GRM8: variants seen among roughly 807,000 people sequenced by gnomAD.
The protein encoded by GRM8 is glutamate metabotropic receptor 8.
Under a neutral mutation model 87.2 loss-of-function variants are expected in GRM8, and 47 were observed. The ratio of observed to expected loss-of-function variants is 0.54; its 90% CI spans 0.43 to 0.69. The LOEUF is 0.69. Among genes scored for constraint, GRM8 ranks in the 30% least tolerant of loss-of-function variants. The probability of loss-of-function intolerance (pLI) is 0.00; values close to 1 mark genes in which losing one functional copy is unlikely to be tolerated. For synonymous variants in GRM8, 396 were observed against 404.5 expected (o/e 0.98, Z 0.25); for missense variants, 1,019 against 1,139.2 (o/e 0.89, Z 1.52).
At chr7:126,831,717 C>T (rs1465964525) in intron 6 of GRM8, among the ~76,000 whole-genome samples, 2 of 152,110 alleles carry the variant, frequency 1.3e-5, no homozygotes, top group African/African-American at 4.8e-5. Context: ...CTGTCTGGCA[C>T]TCCCTAGTGA....
intron 3 of GRM8, among the ~76,000 whole-genome samples, chr7:127,004,630 TG>T (rs1814081586): frequency 6.6e-6 from 1 of 151,632 alleles, no homozygotes; most frequent in Non-Finnish European, 1.5e-5. Flanking sequence ...TTAGTGAAAT[TG>T]TTTTTCCCCA....
chr7:126,661,939 G>A (rs1805225465), intron 7 of GRM8, among the ~76,000 whole-genome samples: 1 of 152,098 alleles, frequency 6.6e-6, no homozygotes, highest in South Asian at 2.1e-4. Context: ...CATATTTAAT[G>A]ATTCTATAAC....
intron 6 of GRM8, among the ~76,000 whole-genome samples, chr7:126,795,309 C>T (rs1308909640): frequency 1.3e-5 from 2 of 152,068 alleles, no homozygotes; most frequent in Non-Finnish European, 2.9e-5. Context: ...AGTGAAGTAC[C>T]CATCACAGCT....
intron 7 of GRM8, among the ~76,000 whole-genome samples, chr7:126,696,420 C>G (rs1809379483): frequency 6.6e-6 from 1 of 151,974 alleles, no homozygotes; most frequent in Admixed American, 6.6e-5. Flanking sequence ...GTGTGTTGTT[C>G]CCCTCCCTGT....
intron 6 of GRM8, among the ~76,000 whole-genome samples, chr7:126,813,917 C>T (rs1793531059): frequency 6.6e-6 from 1 of 152,070 alleles, no homozygotes; most frequent in Admixed American, 6.6e-5. Context: ...TCAAAAATGA[C>T]ACTGCCTTTA....
chr7:127,147,264 C>T (rs1461978307), intron 2 of GRM8, among the ~76,000 whole-genome samples: 1 of 152,100 alleles, frequency 6.6e-6, no homozygotes, highest in East Asian at 1.9e-4. Flanking sequence ...CCAAACCAAG[C>T]AAAGCTGAAA....
At chr7:126,509,001 G>T (rs887635014) in intron 9 of GRM8, among the ~76,000 whole-genome samples, 2 of 152,096 alleles carry the variant, frequency 1.3e-5, no homozygotes, top group East Asian at 1.9e-4. Context: ...TTACAAAAAG[G>T]TTGTCTCTCC....
rs553410533 is a variant in GRM8, at chr7:127,110,340, C to T, written c.511-3628G>A. 1.7e-3 allele frequency among the ~76,000 whole-genome samples: 256 copies of T among 152,312 alleles called. 2 individuals carry two copies. Among genetic ancestry groups the T allele is most frequent in the African/African-American group, 6.0e-3 (248 of 41,564 alleles). On this transcript the variant is annotated intron_variant, in intron 2 of 10. Transcript: ENST00000339582. Reference sequence around the variant, plus strand: ...CTCCCCAATCTCAGCCCTGCCCTAACTTCTTAGCCCTTCTCTAGCCACCTG... The same window carrying T: ...CTCCCCAATCTCAGCCCTGCCCTAATTTCTTAGCCCTTCTCTAGCCACCTG...
intron 3 of GRM8, among the ~76,000 whole-genome samples, chr7:126,995,084 G>A (rs1813051155): frequency 6.6e-6 from 1 of 152,186 alleles, no homozygotes; most frequent in Non-Finnish European, 1.5e-5. Flanking sequence ...AGTAGCAGAA[G>A]ATAACGAGAA....
intron 2 of GRM8, among the ~76,000 whole-genome samples, chr7:127,241,307 A>G (rs1246124774): frequency 6.6e-6 from 1 of 152,128 alleles, no homozygotes; most frequent in Non-Finnish European, 1.5e-5. Flanking sequence ...CTTTGATTCA[A>G]TTCCTTTCAT....
At chr7:127,237,835 G>A (rs1195254980) in intron 2 of GRM8, among the ~76,000 whole-genome samples, 1 of 152,168 alleles carries the variant, frequency 6.6e-6, no homozygotes, top group Non-Finnish European at 1.5e-5. Flanking sequence ...ACATTAATGT[G>A]AGTTACCTCC....
chr7:127,168,989 T>G (rs1793621273), intron 2 of GRM8, among the ~76,000 whole-genome samples: 1 of 130,030 alleles, frequency 7.7e-6, no homozygotes, highest in African/African-American at 2.9e-5. Context: ...GCACATGTAC[T>G]GCAGAAACTA....
chr7:126,655,314 C>T (rs1563063379), intron 7 of GRM8, among the ~76,000 whole-genome samples: 3 of 152,164 alleles, frequency 2.0e-5, no homozygotes. Flanking sequence ...CCTATGAGAT[C>T]CCAGTTGCAT....
rs531101482 is a variant in GRM8 at position 126,816,347 on chromosome 7, A to T, written c.1157-46282T>A. On this transcript the variant is annotated intron_variant, in intron 6 of 10. Transcript: ENST00000339582. ...AAAAGTGCAAGTGATGGTATGTGGA[A>T]CTATAACAAACTCTGAATAAATAGT... 6.6e-5 allele frequency among the ~76,000 whole-genome samples: 10 copies of T among 152,256 alleles called. No individual in the cohort carries two copies. In the South Asian group the frequency reaches 2.1e-3, roughly 32 times the overall value.
intron 3 of GRM8, among the ~76,000 whole-genome samples, chr7:127,068,724 C>T (rs1370371345): frequency 1.3e-5 from 2 of 152,186 alleles, no homozygotes; most frequent in East Asian, 3.8e-4. Flanking sequence ...GAGCAGGAGA[C>T]AGGCTGAATC....
At chr7:127,006,817 T>C (rs1407771538) in intron 3 of GRM8, among the ~76,000 whole-genome samples, 2 of 152,040 alleles carry the variant, frequency 1.3e-5, no homozygotes, top group African/African-American at 2.4e-5. Flanking sequence ...CATTGTATTA[T>C]ATGATATATA....
At chr7:126,691,774 T>C (rs1165714441) in intron 7 of GRM8, among the ~76,000 whole-genome samples, 1 of 152,148 alleles carries the variant, frequency 6.6e-6, no homozygotes, top group African/African-American at 2.4e-5. Context: ...TAAACTTCAG[T>C]GTTGCCCTTA....
At chr7:126,651,135 C>A (rs2151244318) in intron 7 of GRM8, among the ~76,000 whole-genome samples, 1 of 152,286 alleles carries the variant, frequency 6.6e-6, no homozygotes, top group Non-Finnish European at 1.5e-5. Context: ...AATGCTTCTG[C>A]CAAGACTACC....
At chr7:126,812,313 C>A (rs144768750) in intron 6 of GRM8, among the ~76,000 whole-genome samples, 1 of 151,804 alleles carries the variant, frequency 6.6e-6, no homozygotes, top group African/African-American at 2.4e-5. Context: ...TATCATTGTG[C>A]GAACATTACA....
Sources: allele counts gnomAD v4.1 joint callset (sites outside exome capture counted in the v4.1 genomes callset), GRCh38; gene constraint gnomAD v4.1.1; transcripts MANE v1.5; gene names NCBI Gene and HGNC (gene_info 2026-07-23, HGNC 2026-07-21).